SDK1: variants seen among roughly 807,000 people sequenced by gnomAD.
SDK1 encodes the protein protein sidekick-1.
SDK1 carries 157 observed loss-of-function variants against 245.5 expected under a neutral mutation model. That is an observed-to-expected ratio of 0.64 (90% CI 0.56 to 0.73). SDK1 has a LOEUF of 0.73. Ranked by LOEUF, SDK1 falls within the 30% of genes least tolerant of loss-of-function variation. The probability of loss-of-function intolerance (pLI) is 0.00; values close to 1 mark genes in which losing one functional copy is unlikely to be tolerated. For synonymous variants in SDK1, 1,647 were observed against 1,278.5 expected (o/e 1.29, Z -6.15); for missense variants, 3,583 against 3,002.3 (o/e 1.19, Z -4.52).
chr7:4,105,375 C>T (rs1157299074), intron 22 of SDK1, among the ~76,000 whole-genome samples: 1 of 151,948 alleles, frequency 6.6e-6, no homozygotes, highest in African/African-American at 2.4e-5. Flanking sequence ...GGCATGATCT[C>T]AGCTCACTGC....
chr7:3,361,140 G>A (rs1240612149), intron 1 of SDK1, among the ~76,000 whole-genome samples: 1 of 152,130 alleles, frequency 6.6e-6, no homozygotes, highest in Non-Finnish European at 1.5e-5. Context: ...AATTGATACT[G>A]TAGTTTTTTC....
chr7:3,806,917 G>A (rs985311474), intron 4 of SDK1, among the ~76,000 whole-genome samples: 1 of 152,042 alleles, frequency 6.6e-6, no homozygotes, highest in African/African-American at 2.4e-5. Flanking sequence ...CTTCCTGCCT[G>A]TATCTTACGT....
At chr7:3,462,965 C>G (rs988914505) in intron 1 of SDK1, among the ~76,000 whole-genome samples, 1 of 152,184 alleles carries the variant, frequency 6.6e-6, no homozygotes, top group Admixed American at 6.5e-5. Flanking sequence ...TGGATTTTAC[C>G]TCCCTGGGCT....
intron 1 of SDK1, among the ~76,000 whole-genome samples, chr7:3,522,932 A>G (rs904697532): frequency 3.3e-5 from 1 of 30,510 alleles, no homozygotes; most frequent in African/African-American, 1.5e-4. Flanking sequence ...ACATGATTTC[A>G]GTAAAGGTTA....
intron 27 of SDK1, among the ~76,000 whole-genome samples, chr7:4,131,658 A>G (rs1386995765): frequency 6.6e-6 from 1 of 152,172 alleles, no homozygotes; most frequent in Non-Finnish European, 1.5e-5. Flanking sequence ...GTTTAAGTAA[A>G]TGTATTTTAT....
intron 1 of SDK1, among the ~76,000 whole-genome samples, chr7:3,607,182 T>A (rs553182276): frequency 1.3e-5 from 2 of 152,130 alleles, no homozygotes; most frequent in Admixed American, 6.5e-5. Context: ...AATTGTAATT[T>A]GTTGTGCTGC....
intron 1 of SDK1, among the ~76,000 whole-genome samples, chr7:3,350,125 G>A (rs1358475504): frequency 6.6e-6 from 1 of 152,178 alleles, no homozygotes; most frequent in East Asian, 1.9e-4. Flanking sequence ...TTAGCTTAGG[G>A]AGAGGTAAGC....
chr7:3,465,842 C>T (rs967922396), intron 1 of SDK1, among the ~76,000 whole-genome samples: 1 of 152,182 alleles, frequency 6.6e-6, no homozygotes, highest in Non-Finnish European at 1.5e-5. Flanking sequence ...ATCAGTCTAA[C>T]ACTCCAAGCA....
intron 22 of SDK1, among the ~76,000 whole-genome samples, chr7:4,105,279 G>A (rs1782826998): frequency 6.6e-6 from 1 of 151,926 alleles, no homozygotes; most frequent in Admixed American, 6.6e-5. Flanking sequence ...CACCGCGCCT[G>A]GCCAGGAGTT....
At chr7:3,535,849 A>G (rs988847806) in intron 1 of SDK1, among the ~76,000 whole-genome samples, 3 of 152,116 alleles carry the variant, frequency 2.0e-5, no homozygotes, top group Admixed American at 6.6e-5. Context: ...CCATGTGTCA[A>G]TATTTGCACA....
intron 19 of SDK1, among the ~76,000 whole-genome samples, chr7:4,052,073 G>C (rs1223011714): frequency 1.3e-5 from 2 of 151,992 alleles, no homozygotes; most frequent in African/African-American, 4.8e-5. Context: ...AGGGGGTGGA[G>C]AATCAGGTTC....
intron 5 of SDK1, among the ~76,000 whole-genome samples, chr7:3,878,709 G>C (rs1248266283): frequency 6.6e-6 from 1 of 152,128 alleles, no homozygotes; most frequent in African/African-American, 2.4e-5. Context: ...AAGAGGAAGA[G>C]TCTCCTCTGT....
chr7:3,680,068 C>T (rs767025234), intron 4 of SDK1, among the ~76,000 whole-genome samples: 6 of 152,038 alleles, frequency 3.9e-5, no homozygotes, highest in Non-Finnish European at 7.4e-5. Context: ...GTAAACAAGC[C>T]GTGGTGCATC....
intron 5 of SDK1, among the ~76,000 whole-genome samples, chr7:3,845,852 A>G (rs1435604470): frequency 6.6e-6 from 1 of 152,242 alleles, no homozygotes; most frequent in Non-Finnish European, 1.5e-5. Flanking sequence ...TAGAAAGCGG[A>G]TGAATTGGCA....
intron 1 of SDK1, among the ~76,000 whole-genome samples, chr7:3,515,546 A>C (rs1033345487): frequency 5.3e-5 from 8 of 152,158 alleles, no homozygotes; most frequent in African/African-American, 1.9e-4. Context: ...TGTATTTGTG[A>C]TCAAATCAAG....
At chr7:3,596,977 G>C (rs562505498) in intron 1 of SDK1, among the ~76,000 whole-genome samples, 4 of 152,282 alleles carry the variant, frequency 2.6e-5, no homozygotes, top group African/African-American at 4.8e-5. Context: ...ACTGGTATAA[G>C]AGTAGGTTAC....
At chr7:3,949,602 C>T (rs897174642) in intron 5 of SDK1, among the ~76,000 whole-genome samples, 3 of 152,206 alleles carry the variant, frequency 2.0e-5, no homozygotes, top group Non-Finnish European at 4.4e-5. Context: ...CAGCCTCTTA[C>T]ATCTCCGCCC....
chr7:3,885,411 C>A (rs1781314094), intron 5 of SDK1, among the ~76,000 whole-genome samples: 2 of 152,186 alleles, frequency 1.3e-5, no homozygotes, highest in African/African-American at 2.4e-5. Context: ...GAATGCAGTG[C>A]AGCCCTCTCT....
intron 9 of SDK1, among the ~76,000 whole-genome samples, chr7:3,965,411 C>G (rs758031653): frequency 6.6e-6 from 1 of 152,202 alleles, no homozygotes; most frequent in Non-Finnish European, 1.5e-5. Context: ...GCCACCTGCA[C>G]TGTTACCACG....
Sources: allele counts gnomAD v4.1 joint callset (sites outside exome capture counted in the v4.1 genomes callset), GRCh38; gene constraint gnomAD v4.1.1; transcripts MANE v1.5; gene names NCBI Gene and HGNC (gene_info 2026-07-23, HGNC 2026-07-21).